SLC44A5: variants seen among roughly 807,000 people sequenced by gnomAD.
SLC44A5 encodes choline transporter-like protein 5.
A neutral mutation model predicts 101.8 loss-of-function variants in SLC44A5; 57 were observed. The ratio of observed to expected loss-of-function variants is 0.56; its 90% CI spans 0.45 to 0.70. The LOEUF (loss-of-function observed/expected upper bound fraction) is 0.70, where lower values mean the gene tolerates loss of function less well. Ranked by LOEUF, SLC44A5 falls within the 30% of genes least tolerant of loss-of-function variation. The probability of loss-of-function intolerance (pLI) is 0.00; values close to 1 mark genes in which losing one functional copy is unlikely to be tolerated. For missense variants in SLC44A5, 737 were observed against 853.1 expected, an observed-to-expected ratio of 0.86 and a Z score of 1.70; for synonymous variants, 281 against 290.9, an observed-to-expected ratio of 0.97 and a Z score of 0.35.
At chr1:75,323,808 T>C (rs1418425585) in intron 4 of SLC44A5, among the ~76,000 whole-genome samples, 1 of 152,202 alleles carries the variant, frequency 6.6e-6, no homozygotes, top group African/African-American at 2.4e-5. Context: ...ATCTCTAAAG[T>C]CTTTTTAAAG....
intron 2 of SLC44A5, among the ~76,000 whole-genome samples, chr1:75,481,444 A>C (rs546629901): frequency 6.6e-6 from 1 of 152,174 alleles, no homozygotes; most frequent in Non-Finnish European, 1.5e-5. Context: ...CAGCAAAAGA[A>C]ACTACCATCA....
intron 6 of SLC44A5, among the ~76,000 whole-genome samples, chr1:75,257,085 A>G (rs596620): frequency 0.83 from 126,207 of 152,106 alleles, 52,656 homozygotes; most frequent in East Asian, 0.95. Flanking sequence ...AAAGTCCTAG[A>G]ATGAGAGACC....
intron 23 of SLC44A5, among the ~76,000 whole-genome samples, chr1:75,207,375 A>G (rs1646768348): frequency 6.6e-6 from 1 of 152,344 alleles, no homozygotes. Flanking sequence ...CTCATAATAC[A>G]TTAATTTACC....
At chr1:75,665,870 C>T in the SLC44A5 span, among the ~76,000 whole-genome samples, 1 of 151,918 alleles carries the variant, frequency 6.6e-6, no homozygotes, top group East Asian at 1.9e-4. Flanking sequence ...CTAAAAAATG[C>T]TCAACATCGC....
At chr1:75,300,528 C>A (rs199513827) in intron 5 of SLC44A5, 84 bp downstream of exon 5, 28 of 891,314 alleles carry the variant, frequency 3.1e-5, no homozygotes, top group Non-Finnish European at 4.6e-5. Flanking sequence ...TTTTGGAAGA[C>A]AATAATTAAT....
At chr1:75,352,485 TG>T (rs769862907) in intron 3 of SLC44A5, among the ~76,000 whole-genome samples, 19 of 152,212 alleles carry the variant, frequency 1.2e-4, no homozygotes, top group Non-Finnish European at 2.1e-4. Flanking sequence ...GCAAGAGACT[TG>T]GATAGGAACT....
At position 75,221,337 on chromosome 1, in the gene SLC44A5, C is replaced by T. The variant is rs578022211; in HGVS notation, c.1085+1024G>A. On this transcript the variant is annotated intron_variant, in intron 14 of 23. Transcript: ENST00000370859. ...TGTTGGCTTTATAATAATGCTTTCC[C>T]GGTTACTTCCATGCGTTATTAAAAA... Among the ~76,000 whole-genome samples the T allele has an allele frequency of 7.2e-4, 109 of 152,196 alleles. 1 individual carries two copies. The highest frequency in any genetic ancestry group is 2.4e-3 in the African/African-American group (98 of 41,522).
chr1:75,675,841 C>T, the SLC44A5 span, among the ~76,000 whole-genome samples: 1 of 151,978 alleles, frequency 6.6e-6, no homozygotes, highest in African/African-American at 2.4e-5. Flanking sequence ...CTACAAGGAA[C>T]TTAAATAAAT....
At chr1:75,598,305 A>T (rs1364149761) in intron 1 of SLC44A5, among the ~76,000 whole-genome samples, 1 of 152,196 alleles carries the variant, frequency 6.6e-6, no homozygotes, top group East Asian at 1.9e-4. Context: ...GAGAAAAAGG[A>T]ACATTTACAC....
Position 75,444,971 on chromosome 1 carries a change from C to T in SLC44A5, c.14-48350G>A, listed in dbSNP as rs78200448. ...AAGAAGAAGGTGGGAAATAATTAAC[C>T]GTGAGAGTAGGAGAGTATATTGAAC... On this transcript the variant is annotated intron_variant, in intron 2 of 23. Transcript: ENST00000370859. Among the ~76,000 whole-genome samples the T allele has an allele frequency of 8.2e-3, 1,247 of 152,086 alleles. 9 individuals carry two copies. The highest frequency in any genetic ancestry group is 0.013 in the Non-Finnish European group (863 of 67,972).
At chr1:75,414,468 C>T (rs1285974326) in intron 2 of SLC44A5, among the ~76,000 whole-genome samples, 1 of 152,034 alleles carries the variant, frequency 6.6e-6, no homozygotes, top group Non-Finnish European at 1.5e-5. Flanking sequence ...CTATGCTAGG[C>T]ACCAGAGTTA....
intron 3 of SLC44A5, among the ~76,000 whole-genome samples, chr1:75,340,895 AG>A (rs1454892050): frequency 1.3e-5 from 2 of 152,256 alleles, no homozygotes; most frequent in African/African-American, 4.8e-5. Context: ...AAAGAGAAAC[AG>A]AGACAATGGT....
intron 3 of SLC44A5, among the ~76,000 whole-genome samples, chr1:75,364,743 G>C (rs888654992): frequency 9.2e-5 from 14 of 151,980 alleles, no homozygotes; most frequent in African/African-American, 3.4e-4. Flanking sequence ...ATGGTTTCCC[G>C]TAACTCCCAC....
At chr1:75,272,675 T>G (rs1179435800) in intron 6 of SLC44A5, among the ~76,000 whole-genome samples, 1 of 152,118 alleles carries the variant, frequency 6.6e-6, no homozygotes, top group Non-Finnish European at 1.5e-5. Context: ...TTTTGTATGC[T>G]TTGTCAAAGA....
chr1:75,516,699 A>C (rs1669859861), intron 2 of SLC44A5, among the ~76,000 whole-genome samples: 1 of 152,190 alleles, frequency 6.6e-6, no homozygotes, highest in Admixed American at 6.5e-5. Context: ...ATTCACCTAC[A>C]GGTTCCCAGC....
At chr1:75,300,804 A>G (rs1450321710) in intron 4 of SLC44A5, 119 bp from the exon 5 acceptor site, 4 of 541,306 alleles carry the variant, frequency 7.4e-6, no homozygotes, top group Non-Finnish European at 8.9e-6. Flanking sequence ...TCATAATTGC[A>G]TATTTTATTC....
chr1:75,681,132 C>G, the SLC44A5 span, among the ~76,000 whole-genome samples: 1 of 151,908 alleles, frequency 6.6e-6, no homozygotes, highest in Non-Finnish European at 1.5e-5. Context: ...AGCTTACCAA[C>G]CAAAAAGAGT....
chr1:75,440,375 T>C (rs967412770), intron 2 of SLC44A5, among the ~76,000 whole-genome samples: 13 of 152,006 alleles, frequency 8.6e-5, no homozygotes, highest in African/African-American at 3.1e-4. Context: ...AGATGGCAAA[T>C]TCAAAGGCCA....
chr1:75,447,572 T>A (rs1025962918), intron 2 of SLC44A5, among the ~76,000 whole-genome samples: 14 of 152,190 alleles, frequency 9.2e-5, no homozygotes, highest in African/African-American at 3.4e-4. Context: ...TTCTGAATAC[T>A]GAGTCTGGAT....
Sources: gnomAD v4.1 joint callset for allele counts (sites outside exome capture counted in the v4.1 genomes callset) on GRCh38, gnomAD v4.1.1 for gene constraint, MANE v1.5 for transcripts, NCBI Gene and HGNC (gene_info 2026-07-23, HGNC 2026-07-21) for gene names.